Variants in MYOM2 observed in about 807,000 individuals in gnomAD.
MYOM2 encodes myomesin-2.
MYOM2 carries 254 observed loss-of-function variants against 187.6 expected under a neutral mutation model. That is an observed-to-expected ratio of 1.35 (90% CI 1.22 to 1.50). The LOEUF is 1.50. MYOM2 is among the 40% of genes most tolerant of loss of function. MYOM2 has a pLI of 0.00. For synonymous variants in MYOM2, 981 were observed against 753.8 expected (o/e 1.30, Z -4.94); for missense variants, 2,796 against 1,924.0 (o/e 1.45, Z -8.48).
chr8:2,123,896 A>G (rs1797543952), intron 30 of MYOM2, among the ~76,000 whole-genome samples: 1 of 152,268 alleles, frequency 6.6e-6, no homozygotes, highest in South Asian at 2.1e-4. Flanking sequence ...CAAGCAACGC[A>G]TTACTAATGC....
intron 28 of MYOM2, among the ~76,000 whole-genome samples, chr8:2,119,885 G>A (rs774362160): frequency 6.6e-6 from 1 of 152,084 alleles, no homozygotes; most frequent in Non-Finnish European, 1.5e-5. Flanking sequence ...GAGGGGGCGG[G>A]GGGGATGCCA....
intron 6 of MYOM2, among the ~76,000 whole-genome samples, chr8:2,062,722 G>A (rs1418148431): frequency 6.6e-6 from 1 of 152,148 alleles, no homozygotes; most frequent in East Asian, 1.9e-4. Context: ...CAGCTCATGG[G>A]TATGTGGGGC....
chr8:2,100,983 G>C lies in MYOM2; in HGVS notation c.2548G>C (p.Asp850His), dbSNP rs748053873. ...CAGCCCTGTTTCTGGATATTTCGTG[G>C]ACTTCAGGGAGGAGGATGCTGGAGA... ...GSSPVSGYFVDFREEDAGEWI... is the reference protein window; with the variant it reads ...GSSPVSGYFVHFREEDAGEWI... The change falls in exon 20 of 37, where the codon GAC becomes CAC. Residue 850 changes from aspartate to histidine, a missense_variant. By Grantham distance (81) the Asp-to-His change is moderately conservative. Transcript: ENST00000262113. 6.2e-7 allele frequency: 1 copy of C among 1,614,188 alleles called. No individual in the cohort carries two copies. Among genetic ancestry groups the C allele is most frequent in the Non-Finnish European group, 8.5e-7 (1 of 1,180,028 alleles).
intron 25 of MYOM2, among the ~76,000 whole-genome samples, chr8:2,115,307 T>C (rs1311831601): frequency 6.6e-6 from 1 of 152,234 alleles, no homozygotes; most frequent in Non-Finnish European, 1.5e-5. Flanking sequence ...TCAAATTTGC[T>C]CAATTCATCT....
chr8:2,103,184 C>T (rs7004054), intron 21 of MYOM2, among the ~76,000 whole-genome samples: 87,004 of 142,596 alleles, frequency 0.61, 25,192 homozygotes, highest in Admixed American at 0.67. Context: ...TATGGATGGA[C>T]GGGTGTGTGG....
chr8:2,101,474 G>A (rs748683119), intron 20 of MYOM2, among the ~76,000 whole-genome samples: 1 of 152,232 alleles, frequency 6.6e-6, no homozygotes, highest in Admixed American at 6.5e-5. Flanking sequence ...CCAGCACCGA[G>A]CCCCGAGGTG....
rs1246399818 is a variant in MYOM2, at chr8:2,092,514, A to G, written c.1997A>G (p.Tyr666Cys). 5 of 1,613,844 alleles carry G rather than the reference A, an allele frequency of 3.1e-6. No homozygotes were observed. Among genetic ancestry groups the G allele is most frequent in the East Asian group, 2.2e-5 (1 of 44,870 alleles). ...WEPCNHKPIGYNRFVVHGLTT... is the reference protein window; with the variant it reads ...WEPCNHKPIGCNRFVVHGLTT... ...CCCTGCAACCACAAGCCCATCGGAT[A>G]CAACAGGTGCGGCCTCCCTCCCCAG... Residue 666 changes from tyrosine (Y) to cysteine (C), a missense_variant, in exon 16 of 37, where the codon TAC becomes TGC. Transcript: ENST00000262113.
chr8:2,126,335 T>C (rs1013477609), intron 31 of MYOM2, among the ~76,000 whole-genome samples: 1 of 151,446 alleles, frequency 6.6e-6, no homozygotes, highest in African/African-American at 2.4e-5. Flanking sequence ...ATGGAAGAAG[T>C]GGAAGGCATG....
chr8:2,118,652 C>T (rs1181842222), intron 28 of MYOM2, among the ~76,000 whole-genome samples: 2 of 152,076 alleles, frequency 1.3e-5, no homozygotes, highest in Non-Finnish European at 2.9e-5. Context: ...CAGGGAGGGA[C>T]AGAGAAGCTG....
intron 27 of MYOM2, among the ~76,000 whole-genome samples, chr8:2,116,991 C>T (rs1290591185): frequency 6.6e-6 from 1 of 152,224 alleles, no homozygotes; most frequent in African/African-American, 2.4e-5. Context: ...TCTCGATCTC[C>T]TGACCTCGTG....
chr8:2,074,710 G>A (rs932069108), intron 10 of MYOM2, among the ~76,000 whole-genome samples: 2 of 152,094 alleles, frequency 1.3e-5, no homozygotes. Context: ...CCCCCAACTC[G>A]GCCTCCCAAG....
In MYOM2 at chr8:2,092,409, A is replaced by G. The variant is rs751880160; in HGVS notation, c.1892A>G (p.Gln631Arg). The change falls in exon 16 of 37, where the codon CAG becomes CGG. Residue 631 changes from glutamine to arginine, a missense_variant. Physicochemically the swap from Gln to Arg is conservative, Grantham distance 43. Transcript: ENST00000262113. Reference sequence around the variant, plus strand: ...AACACCAAGACGTCGGTGGTGGTGCAGTGGGACCGACCTAAGCATGAGGAG... The same window carrying G: ...AACACCAAGACGTCGGTGGTGGTGCGGTGGGACCGACCTAAGCATGAGGAG... ...SRNTKTSVVV[Q>R]WDRPKHEEDL... The G allele has an allele frequency of 1.2e-5, 19 of 1,614,014 alleles. 1 individual carries two copies. Among genetic ancestry groups the G allele is most frequent in the South Asian group, 6.6e-5 (6 of 91,076 alleles).
rs1798413830 is a variant in MYOM2, at chr8:2,144,995, G to T, written c.*14G>T. 4 of 1,610,100 alleles carry T rather than the reference G, an allele frequency of 2.5e-6. No homozygotes were observed. Among genetic ancestry groups the T allele is most frequent in the Non-Finnish European group, 3.4e-6 (4 of 1,179,016 alleles). On this transcript the variant is annotated 3_prime_UTR_variant, in exon 37 of 37. Coordinates refer to ENST00000262113, the MANE Select transcript of MYOM2 (RefSeq NM_003970.4). ...GCAGGCCAGTGAAGGCGTTTTCCTAGCCTGGAGATGGGAAAATATGCTTGG... is the reference window on the plus strand; with the variant it reads ...GCAGGCCAGTGAAGGCGTTTTCCTATCCTGGAGATGGGAAAATATGCTTGG...
chr8:2,128,812 C>G (rs1437213119), intron 31 of MYOM2, among the ~76,000 whole-genome samples: 1 of 152,178 alleles, frequency 6.6e-6, no homozygotes, highest in African/African-American at 2.4e-5. Flanking sequence ...TTGCCATGCA[C>G]TGTTGTTATT....
chr8:2,072,332 C>A lies in MYOM2; in HGVS notation c.794-13C>A. ...GCCCTTCGGCCCTGAAAGCCTCCAT[C>A]GTTTCTGTGCAGTGCCCCTGTCATC... On this transcript the variant is annotated splice_polypyrimidine_tract_variant and intron_variant, in intron 8 of 36. Coordinates refer to ENST00000262113, the MANE Select transcript of MYOM2 (RefSeq NM_003970.4). 6.2e-7 allele frequency: 1 copy of A among 1,612,206 alleles called. No individual in the cohort carries two copies. The highest frequency in any genetic ancestry group is 8.5e-7 in the Non-Finnish European group (1 of 1,179,216).
Position 2,106,257 on chromosome 8 carries a change from G to A in MYOM2, c.2750G>A (p.Ser917Asn). Residue 917 changes from serine (S) to asparagine (N), a missense_variant, in exon 22 of 37, where the codon AGT becomes AAT. Physicochemically the swap from Ser to Asn is conservative, Grantham distance 46. Coordinates refer to ENST00000262113, the MANE Select transcript of MYOM2 (RefSeq NM_003970.4). ...VEARPGTKEI[S>N]AGVDEQGNIY... ...TCTTATGCAGGCACCAAGGAAATCA[G>A]TGCTGGTGTCGATGAACAAGGCAAC... 5 of 1,614,174 alleles carry A rather than the reference G, an allele frequency of 3.1e-6. No homozygotes were observed. The South Asian group carries it at 3.3e-5, about 11-fold the overall frequency.
chr8:2,069,453 G>A lies in MYOM2; in HGVS notation c.749G>A (p.Arg250Gln), dbSNP rs143200815. ...TCACTTTGCTGTCTTGCAGGGTTCC[G>A]GGGAGACGAGGAACCATTCCGTTCG... The part of the protein sequence containing the change: ...TNAAVVVRRF[R>Q]GDEEPFRSVG... Residue 250 changes from arginine to glutamine, a missense_variant, in exon 8 of 37, where the codon CGG becomes CAG. Physicochemically the swap from Arg to Gln is conservative, Grantham distance 43. Coordinates refer to ENST00000262113, the MANE Select transcript of MYOM2 (RefSeq NM_003970.4). The A allele has an allele frequency of 1.6e-5, 26 of 1,614,060 alleles. No individual in the cohort carries two copies. The Admixed American group carries it at 1.7e-4, about 10-fold the overall frequency.
At chr8:2,082,372 C>T (rs1424449855) in intron 13 of MYOM2, among the ~76,000 whole-genome samples, 2 of 150,794 alleles carry the variant, frequency 1.3e-5, no homozygotes, top group East Asian at 2.0e-4. Flanking sequence ...CCCTTTTCTA[C>T]CTGTGTCTTT....
chr8:2,132,342 A>C (rs1212310274), intron 32 of MYOM2, among the ~76,000 whole-genome samples: 12 of 152,216 alleles, frequency 7.9e-5, no homozygotes, highest in Admixed American at 7.9e-4. Context: ...AATGCTGAGT[A>C]ATACATCAGA....
Sources: gnomAD v4.1 joint callset for allele counts (sites outside exome capture counted in the v4.1 genomes callset) on GRCh38, gnomAD v4.1.1 for gene constraint, MANE v1.5 for transcripts, NCBI Gene and HGNC (gene_info 2026-07-23, HGNC 2026-07-21) for gene names.